Variants in GRM5 observed in about 807,000 individuals in gnomAD.
GRM5 encodes metabotropic glutamate receptor 5.
Under a neutral mutation model 83.1 loss-of-function variants are expected in GRM5, and 19 were observed. That is an observed-to-expected ratio of 0.23 (90% confidence interval 0.16 to 0.34). The LOEUF (loss-of-function observed/expected upper bound fraction) is 0.34. Ranked by LOEUF, GRM5 falls within the 10% of genes least tolerant of loss-of-function variation. GRM5 has a pLI of 1.00. For missense variants in GRM5, 1,160 were observed against 1,588.3 expected, an observed-to-expected ratio of 0.73 and a Z score of 4.58; for synonymous variants, 675 against 633.6, an observed-to-expected ratio of 1.07 and a Z score of -0.98.
chr11:88,569,058 G>C (rs1406078806), intron 7 of GRM5, among the ~76,000 whole-genome samples: 5 of 152,004 alleles, frequency 3.3e-5, no homozygotes, highest in Admixed American at 2.0e-4. Context: ...TCTCAAAGTT[G>C]GCTACACACT....
chr11:88,549,939 C>T (rs1942468042), intron 8 of GRM5, among the ~76,000 whole-genome samples: 1 of 152,020 alleles, frequency 6.6e-6, no homozygotes, highest in Non-Finnish European at 1.5e-5. Context: ...GTCAGCAGTT[C>T]AGACAATAGG....
At chr11:88,851,855 T>G (rs1333503792) in intron 2 of GRM5, among the ~76,000 whole-genome samples, 9 of 152,208 alleles carry the variant, frequency 5.9e-5, no homozygotes, top group African/African-American at 9.6e-5. Context: ...ACAAGAAGCC[T>G]CTGTCATGAT....
intron 3 of GRM5, among the ~76,000 whole-genome samples, chr11:88,811,097 T>G (rs1329371404): frequency 6.6e-6 from 1 of 151,440 alleles, no homozygotes; most frequent in African/African-American, 2.5e-5. Flanking sequence ...GAAACACCTT[T>G]TTTTGTTTTT....
At chr11:89,058,477 A>T (rs1037730533) in intron 1 of GRM5, among the ~76,000 whole-genome samples, 1 of 152,162 alleles carries the variant, frequency 6.6e-6, no homozygotes, top group Admixed American at 6.6e-5. Context: ...AATTTACATG[A>T]AAGTTAATCC....
At chr11:88,924,728 AATATT>A (rs1945756824) in intron 2 of GRM5, among the ~76,000 whole-genome samples, 1 of 151,956 alleles carries the variant, frequency 6.6e-6, no homozygotes, top group Non-Finnish European at 1.5e-5. Context: ...TTAGATATCT[AATATT>A]ATAATGTACA....
chr11:88,612,685 T>C (rs1938357011), intron 4 of GRM5: 1 of 152,026 alleles, frequency 6.6e-6, no homozygotes, highest in African/African-American at 2.4e-5. Context: ...TGGTATCTCA[T>C]TGTGGTTTTG....
intron 3 of GRM5, among the ~76,000 whole-genome samples, chr11:88,802,236 C>G (rs544206713): frequency 6.6e-6 from 1 of 151,992 alleles, no homozygotes; most frequent in African/African-American, 2.4e-5. Context: ...AGATCCAGCT[C>G]AGCTCACAAA....
intron 3 of GRM5, among the ~76,000 whole-genome samples, chr11:88,738,641 G>A (rs1440270095): frequency 6.6e-6 from 1 of 152,040 alleles, no homozygotes; most frequent in Non-Finnish European, 1.5e-5. Context: ...GTGGTCAATG[G>A]ATATGCCCTG....
In GRM5 at chr11:89,047,942, G is replaced by T. The variant is rs55766167; in HGVS notation, c.-70C>A. ...AATTCAGGAGGGTTCTGATAGCTAC[G>T]AACAAGCGATGTCCTACGTTGAGTC... On this transcript the variant is annotated 5_prime_UTR_variant, in exon 2 of 10. Coordinates refer to ENST00000305447, the MANE Select transcript of GRM5 (RefSeq NM_001143831.3). This position sits in a 1 kb window ranked among gnomAD's most constrained non-coding sequence, Gnocchi z 5.1. The T allele has an allele frequency of 1.7e-6, 2 of 1,166,480 alleles. No individual in the cohort carries two copies. The highest frequency in any genetic ancestry group is 2.5e-6 in the Non-Finnish European group (2 of 794,500). 72.3% of individuals were successfully genotyped at this position (1,166,480 alleles called of 1,614,324 possible). A position where few individuals can be genotyped will look rare whatever the true frequency, so the allele number is the denominator to read the frequency against.
rs1942367374 is a variant in GRM5 at position 88,755,016 on chromosome 11, C to G, written c.911+94890G>C. ...ATGCAAAACAGAGATATATAGTCCC[C>G]ACTTTCTCTACAGAATTACTGAGAT... On this transcript the variant is annotated intron_variant, in intron 3 of 9. Coordinates refer to ENST00000305447, the MANE Select transcript of GRM5 (RefSeq NM_001143831.3). Among the ~76,000 whole-genome samples the G allele has an allele frequency of 2.0e-5, 3 of 152,116 alleles. No individual in the cohort carries two copies. In the South Asian group the frequency reaches 6.2e-4, roughly 32 times the overall value.
intron 3 of GRM5, among the ~76,000 whole-genome samples, chr11:88,718,187 C>T (rs1941441715): frequency 6.6e-6 from 1 of 151,884 alleles, no homozygotes; most frequent in African/African-American, 2.4e-5. Context: ...GTACTATACT[C>T]TTTCACAAGT....
chr11:88,752,393 A>G (rs1362027894), intron 3 of GRM5, among the ~76,000 whole-genome samples: 3 of 152,210 alleles, frequency 2.0e-5, no homozygotes, highest in South Asian at 2.1e-4. Context: ...TACAGTTAAC[A>G]TGGGAAGTGA....
intron 3 of GRM5, among the ~76,000 whole-genome samples, chr11:88,750,118 A>T (rs1326174351): frequency 6.6e-6 from 1 of 152,134 alleles, no homozygotes; most frequent in Non-Finnish European, 1.5e-5. Flanking sequence ...GGGCTAAATG[A>T]CCCAATTAAA....
At chr11:88,867,500 T>C (rs1208133064) in intron 2 of GRM5, among the ~76,000 whole-genome samples, 2 of 151,736 alleles carry the variant, frequency 1.3e-5, no homozygotes, top group Admixed American at 1.3e-4. Context: ...CTTCTTAGTG[T>C]CATGTCAGAG....
chr11:88,926,592 G>T (rs1565295431), intron 2 of GRM5, among the ~76,000 whole-genome samples: 2 of 151,934 alleles, frequency 1.3e-5, no homozygotes, highest in Non-Finnish European at 2.9e-5. Context: ...CTCAACTTTT[G>T]GTTCATTGGA....
chr11:88,883,318 A>G (rs1275102372), intron 2 of GRM5, among the ~76,000 whole-genome samples: 1 of 152,198 alleles, frequency 6.6e-6, no homozygotes, highest in African/African-American at 2.4e-5. Flanking sequence ...CATGATATGG[A>G]CAATGAAGTC....
intron 2 of GRM5, among the ~76,000 whole-genome samples, chr11:88,942,947 T>C (rs1034790332): frequency 2.6e-5 from 4 of 152,086 alleles, no homozygotes; most frequent in Admixed American, 6.6e-5. Flanking sequence ...ACAACATCTA[T>C]CAAGCAAGCA....
At chr11:88,685,689 C>A (rs964620068) in intron 3 of GRM5, among the ~76,000 whole-genome samples, 2 of 152,320 alleles carry the variant, frequency 1.3e-5, no homozygotes, top group African/African-American at 4.8e-5. Flanking sequence ...TCCTGCATCC[C>A]AGCCACTACA....
chr11:88,953,293 A>C (rs868222045), intron 2 of GRM5, among the ~76,000 whole-genome samples: 1 of 152,214 alleles, frequency 6.6e-6, no homozygotes, highest in Non-Finnish European at 1.5e-5. Context: ...ACACACACTT[A>C]TATGCATACA....
Sources: gnomAD v4.1 joint callset for allele counts (sites outside exome capture counted in the v4.1 genomes callset) on GRCh38, gnomAD v4.1.1 for gene constraint, Gnocchi (gnomAD v3.1) non-coding constraint, MANE v1.5 for transcripts, NCBI Gene and HGNC (gene_info 2026-07-23, HGNC 2026-07-21) for gene names.